PRRG1: variants seen among roughly 807,000 people sequenced by gnomAD.
PRRG1 encodes transmembrane gamma-carboxyglutamic acid protein 1.
PRRG1 carries 5 observed loss-of-function variants against 11.8 expected under a neutral mutation model. The observed-to-expected ratio is 0.42, with a 90% confidence interval of 0.22 to 0.89. The LOEUF is 0.89. PRRG1 is among the 40% of genes least tolerant of loss of function. PRRG1 has a pLI of 0.28. For synonymous variants in PRRG1, 66 were observed against 60.4 expected (o/e 1.09, Z -0.43); for missense variants, 155 against 166.1 (o/e 0.93, Z 0.37).
At chrX:37,371,818 C>T (rs1032528642) in intron 1 of PRRG1, among the ~76,000 whole-genome samples, 2 of 113,091 alleles carry the variant, frequency 1.8e-5, no homozygotes, top group Non-Finnish European at 3.7e-5. Flanking sequence ...CGCTCCTCAC[C>T]GCTCTATGCC....
chrX:37,426,579 C>A (rs1229687423), intron 3 of PRRG1, among the ~76,000 whole-genome samples: 7 of 111,279 alleles, frequency 6.3e-5, no homozygotes, highest in African/African-American at 2.3e-4. Context: ...CAGTCCTGGG[C>A]AGCAGGAAAA....
rs868912203 is a variant in PRRG1 at position 37,402,506 on chromosome X, G to A, written c.-41-3703G>A. Among the ~76,000 whole-genome samples the A allele has an allele frequency of 6.4e-4, 71 of 111,476 alleles. 1 individual carries two copies. The highest frequency in any genetic ancestry group is 2.5e-4 in the Non-Finnish European group (13 of 53,016). ...TTCAAGATGGATTAAAGACTTAAACGTTAGACCTAAAACCATAAAAACCCT... is the reference window on the plus strand; with the variant it reads ...TTCAAGATGGATTAAAGACTTAAACATTAGACCTAAAACCATAAAAACCCT... On this transcript the variant is annotated intron_variant, in intron 1 of 3. Coordinates refer to ENST00000378628, the MANE Select transcript of PRRG1 (RefSeq NM_001142395.2).
chrX:37,408,165 C>G (rs1556382582), intron 2 of PRRG1, among the ~76,000 whole-genome samples: 1 of 111,902 alleles, frequency 8.9e-6, no homozygotes, highest in Admixed American at 9.5e-5. Flanking sequence ...GCTCCAATGA[C>G]TGGGGGAACT....
chrX:37,363,068 A>G (rs782009738), intron 1 of PRRG1, among the ~76,000 whole-genome samples: 2 of 111,807 alleles, frequency 1.8e-5, no homozygotes, highest in Non-Finnish European at 3.8e-5. Context: ...TAACCATTCT[A>G]TGTTGCACTA....
chrX:37,366,193 C>T (rs1930566258), intron 1 of PRRG1, among the ~76,000 whole-genome samples: 1 of 111,797 alleles, frequency 8.9e-6, no homozygotes, highest in Non-Finnish European at 1.9e-5. Flanking sequence ...TGTAGTCTGA[C>T]CCAATTCTTG....
chrX:37,436,910 C>T, intron 3 of PRRG1, among the ~76,000 whole-genome samples: 1 of 112,271 alleles, frequency 8.9e-6, no homozygotes, highest in Non-Finnish European at 1.9e-5. Context: ...TATGAAGTTT[C>T]CCTTTAGGCA....
intron 1 of PRRG1, among the ~76,000 whole-genome samples, chrX:37,379,331 G>GTA (rs1267633586): frequency 9.2e-6 from 1 of 109,200 alleles, no homozygotes; most frequent in Non-Finnish European, 1.9e-5. Flanking sequence ...TCTATTCCTG[G>GTA]TATATATATT....
intron 1 of PRRG1, chrX:37,403,892 T>C: frequency 2.5e-6 from 1 of 403,451 alleles, no homozygotes; most frequent in Non-Finnish European, 3.1e-6. Flanking sequence ...TCTTTGGAAG[T>C]TTATTACTGA....
intron 1 of PRRG1, among the ~76,000 whole-genome samples, chrX:37,367,865 C>G (rs1424245172): frequency 8.9e-6 from 1 of 112,425 alleles, no homozygotes; most frequent in Non-Finnish European, 1.9e-5. Flanking sequence ...TATGTCTGAC[C>G]TCTCTGGGTT....
In PRRG1 at chrX:37,456,794, T is replaced by C. The variant is rs1288072585; in HGVS notation, c.*3173T>C. 7 of 112,225 alleles carry C rather than the reference T, an allele frequency of 6.2e-5. No homozygotes were observed. Among genetic ancestry groups the C allele is most frequent in the Non-Finnish European group, 9.4e-5 (5 of 53,247 alleles). The allele number at this position is 112,225 out of a possible 1,213,427, so 9.2% of individuals were successfully genotyped here. ...TTCACCTTTGATTGTTTTTTAAAAGTTTATTTTTACAGAATATATTTAGTA... is the reference window on the plus strand; with the variant it reads ...TTCACCTTTGATTGTTTTTTAAAAGCTTATTTTTACAGAATATATTTAGTA... On this transcript the variant is annotated 3_prime_UTR_variant, in exon 4 of 4. Coordinates refer to ENST00000378628, the MANE Select transcript of PRRG1 (RefSeq NM_001142395.2).
intron 1 of PRRG1, among the ~76,000 whole-genome samples, chrX:37,372,828 T>C (rs978158302): frequency 1.8e-5 from 2 of 112,888 alleles, no homozygotes; most frequent in African/African-American, 3.2e-5. Flanking sequence ...TTTGTGCTTT[T>C]GTTGCCTGTT....
intron 1 of PRRG1, among the ~76,000 whole-genome samples, chrX:37,374,623 A>G (rs1171888377): frequency 9.0e-6 from 1 of 111,417 alleles, no homozygotes; most frequent in Non-Finnish European, 1.9e-5. Flanking sequence ...CAACTTGTGT[A>G]ATTTCTATTG....
Position 37,441,287 on chromosome X carries a change from C to T in PRRG1, c.172-11849C>T, listed in dbSNP as rs956474273. 8.3e-5 allele frequency: 63 copies of T among 759,194 alleles called. No homozygotes were observed. In the Middle Eastern group the frequency reaches 2.9e-3, roughly 35 times the overall value. The allele number at this position is 759,194 out of a possible 1,213,427, so 62.6% of individuals were successfully genotyped here. ...AAGTCCTTGGACATTAGAAATGTTACTGCAAAACTAAAAACTGGACACAGG... is the reference window on the plus strand; with the variant it reads ...AAGTCCTTGGACATTAGAAATGTTATTGCAAAACTAAAAACTGGACACAGG... On this transcript the variant is annotated intron_variant, in intron 3 of 3. Coordinates refer to ENST00000378628, the MANE Select transcript of PRRG1 (RefSeq NM_001142395.2).
At chrX:37,446,184 C>T (rs1346824389) in intron 3 of PRRG1, among the ~76,000 whole-genome samples, 3 of 112,120 alleles carry the variant, frequency 2.7e-5, no homozygotes, top group Non-Finnish European at 3.8e-5. Flanking sequence ...TAATATAGCA[C>T]CTCCATGTAA....
intron 2 of PRRG1, among the ~76,000 whole-genome samples, chrX:37,411,049 C>T (rs782268247): frequency 8.9e-6 from 1 of 111,868 alleles, no homozygotes; most frequent in East Asian, 2.8e-4. Context: ...ATAATATAAT[C>T]AGCCTTCCAT....
At chrX:37,375,079 C>A (rs1930893998) in intron 1 of PRRG1, among the ~76,000 whole-genome samples, 1 of 111,941 alleles carries the variant, frequency 8.9e-6, no homozygotes, top group Non-Finnish European at 1.9e-5. Flanking sequence ...CCTCTAGCAA[C>A]TTTTTCTTAA....
intron 3 of PRRG1, among the ~76,000 whole-genome samples, chrX:37,426,927 G>GT (rs1449302934): frequency 1.8e-5 from 2 of 111,635 alleles, no homozygotes; most frequent in East Asian, 5.6e-4. Flanking sequence ...AATCACTTGA[G>GT]TTTTTAGCAC....
chrX:37,441,944 A>G, intron 3 of PRRG1: 1 of 769,427 alleles, frequency 1.3e-6, no homozygotes, highest in East Asian at 1.4e-4. Context: ...TTCCTGAACC[A>G]GCAGGTCAAG....
chrX:37,351,172 A>G (rs978401480), intron 1 of PRRG1, among the ~76,000 whole-genome samples: 9 of 111,694 alleles, frequency 8.1e-5, no homozygotes, highest in Admixed American at 2.9e-4. Flanking sequence ...TAACTTACAG[A>G]TATATATTAA....
Sources: allele counts gnomAD v4.1 joint callset (sites outside exome capture counted in the v4.1 genomes callset), GRCh38; gene constraint gnomAD v4.1.1; transcripts MANE v1.5; gene names NCBI Gene and HGNC (gene_info 2026-07-23, HGNC 2026-07-21).